HS6ST1: variants seen among roughly 807,000 people sequenced by gnomAD.
The protein encoded by HS6ST1 is heparan-sulfate 6-O-sulfotransferase 1.
Under a neutral mutation model 25.2 loss-of-function variants are expected in HS6ST1, and 3 were observed. The ratio of observed to expected loss-of-function variants is 0.12; its 90% CI spans 0.05 to 0.31. The LOEUF (loss-of-function observed/expected upper bound fraction) is 0.31, where lower values mean the gene tolerates loss of function less well. Ranked by LOEUF, HS6ST1 falls within the 10% of genes least tolerant of loss-of-function variation. The pLI is 1.00. For synonymous variants in HS6ST1, 204 were observed against 275.1 expected, an observed-to-expected ratio of 0.74 and a Z score of 2.56; for missense variants, 310 against 609.6, an observed-to-expected ratio of 0.51 and a Z score of 5.18.
At chr2:128,302,717 T>C (rs893775643) in intron 1 of HS6ST1, among the ~76,000 whole-genome samples, 3 of 152,222 alleles carry the variant, frequency 2.0e-5, no homozygotes, top group African/African-American at 7.2e-5. Context: ...AGGCATTTCC[T>C]GATTCAGGCC....
At chr2:128,304,281 C>A (rs115026809) in intron 1 of HS6ST1, among the ~76,000 whole-genome samples, 1 of 152,192 alleles carries the variant, frequency 6.6e-6, no homozygotes, top group Non-Finnish European at 1.5e-5. Flanking sequence ...CCGACCCCTA[C>A]GCTGGGGGAT....
chr2:128,282,448 C>T (rs1693802050), intron 1 of HS6ST1, among the ~76,000 whole-genome samples: 1 of 152,164 alleles, frequency 6.6e-6, no homozygotes, highest in South Asian at 2.1e-4. Flanking sequence ...CCTACCCAGC[C>T]CCCACCGGCC....
In HS6ST1 at chr2:128,268,299, G is replaced by A. The variant is rs369568256; in HGVS notation, c.1099C>T (p.Arg367Cys). Residue 367 changes from arginine to cysteine, a missense_variant, in exon 2 of 2, where the codon CGC becomes TGC. Arg to Cys is a radical substitution (Grantham distance 180). Transcript: ENST00000259241. ...CGGCTCCTCAGGCGCTGCTCCCTGC[G>A]CTCCAGCTGCCGCTTGTACTGGTAG... ...QRYQYKRQLE[R>C]REQRLRSREE... is the part of the protein sequence containing the mutation. The A allele has an allele frequency of 8.1e-6, 13 of 1,612,878 alleles. No homozygotes were observed. Among genetic ancestry groups the A allele is most frequent in the Middle Eastern group, 1.7e-4 (1 of 5,988 alleles).
At chr2:128,303,114 G>A (rs138807564) in intron 1 of HS6ST1, among the ~76,000 whole-genome samples, 317 of 152,348 alleles carry the variant, frequency 2.1e-3, no homozygotes, top group African/African-American at 6.9e-3. Context: ...CTTTTCTGGG[G>A]CCTGGGCCTG....
chr2:128,300,822 G>A (rs954243012), intron 1 of HS6ST1, among the ~76,000 whole-genome samples: 5 of 152,298 alleles, frequency 3.3e-5, no homozygotes, highest in South Asian at 2.1e-4. Context: ...TGCTCTGGGC[G>A]TGTCTCACCC....
chr2:128,286,746 G>A (rs369977554), intron 1 of HS6ST1, among the ~76,000 whole-genome samples: 2 of 152,232 alleles, frequency 1.3e-5, no homozygotes, highest in African/African-American at 2.4e-5. Context: ...CCCTAACAAC[G>A]TCTGCAAGCG....
intron 1 of HS6ST1, among the ~76,000 whole-genome samples, chr2:128,302,904 A>ACACAT (rs1694154916): frequency 6.6e-6 from 1 of 152,176 alleles, no homozygotes; most frequent in Non-Finnish European, 1.5e-5. Context: ...CAGCTGCTCC[A>ACACAT]GCCTCTTCTC....
At chr2:128,274,828 A>T (rs924815982) in intron 1 of HS6ST1, among the ~76,000 whole-genome samples, 4 of 152,092 alleles carry the variant, frequency 2.6e-5, no homozygotes, top group African/African-American at 9.7e-5. Context: ...AAATACAAAA[A>T]TTAGCCGGGA....
In HS6ST1 at chr2:128,314,197, C is replaced by A. The variant is rs140881140; in HGVS notation, c.527+3840G>T. On this transcript the variant is annotated intron_variant, in intron 1 of 1. Transcript: ENST00000259241. The stretch of plus-strand genomic sequence containing the variant: ...ATTATGAAGGTAAGGTGGAAACTGT[C>A]GCATGCCACAGAAACGAAGGCTCTC... 2.7e-3 allele frequency among the ~76,000 whole-genome samples: 416 copies of A among 152,146 alleles called. 2 individuals are homozygous for A. Among genetic ancestry groups the A allele is most frequent in the African/African-American group, 9.5e-3 (396 of 41,508 alleles).
chr2:128,317,964 G>A (rs1694399146), intron 1 of HS6ST1, 73 bp downstream of exon 1: 1 of 1,386,100 alleles, frequency 7.2e-7, no homozygotes, highest in East Asian at 2.9e-5. Flanking sequence ...GGCCGACCCA[G>A]TACAGCACGG....
intron 1 of HS6ST1, among the ~76,000 whole-genome samples, chr2:128,269,465 C>T (rs986643206): frequency 1.2e-4 from 19 of 152,304 alleles, no homozygotes; most frequent in East Asian, 7.7e-4. Context: ...TGTAACGGTG[C>T]GTGCACAAGG....
chr2:128,307,663 A>G (rs1694233479), intron 1 of HS6ST1, among the ~76,000 whole-genome samples: 1 of 152,216 alleles, frequency 6.6e-6, no homozygotes, highest in African/African-American at 2.4e-5. Context: ...CGATAAACAC[A>G]TGGTAAGATG....
intron 1 of HS6ST1, chr2:128,290,022 A>G (rs1693928818): frequency 1.3e-5 from 2 of 152,346 alleles, no homozygotes; most frequent in South Asian, 2.1e-4. Flanking sequence ...AAGCATGTAT[A>G]TAACTACATA....
In HS6ST1 at chr2:128,268,117, A is replaced by C. The variant is rs1693550620; in HGVS notation, c.*45T>G. On this transcript the variant is annotated 3_prime_UTR_variant, in exon 2 of 2. Transcript: ENST00000259241. ...GTGGACCTGTCGTCTGTCCTGTTTT[A>C]TCCCCCACACCCCCCAAGAGGCCTC... 1 of 1,414,352 alleles carries C rather than the reference A, an allele frequency of 7.1e-7. No homozygotes were observed. Among genetic ancestry groups the C allele is most frequent in the African/African-American group, 1.4e-5 (1 of 70,248 alleles). 87.6% of individuals were successfully genotyped at this position (1,414,352 alleles called of 1,614,324 possible).
intron 1 of HS6ST1, among the ~76,000 whole-genome samples, chr2:128,281,221 C>T (rs1404855110): frequency 6.6e-6 from 1 of 152,226 alleles, no homozygotes; most frequent in Non-Finnish European, 1.5e-5. Context: ...CCTCATGACG[C>T]TGCTTCTGCT....
chr2:128,298,951 T>C (rs1290365801), intron 1 of HS6ST1, among the ~76,000 whole-genome samples: 1 of 152,200 alleles, frequency 6.6e-6, no homozygotes, highest in African/African-American at 2.4e-5. Context: ...CCAGTGGGGC[T>C]GGCCCAGGCC....
Position 128,318,579 on chromosome 2 carries a change from G to T in HS6ST1, c.-16C>A, listed in dbSNP as rs920202362. 7 of 1,390,172 alleles carry T rather than the reference G, an allele frequency of 5.0e-6. No individual in the cohort carries two copies. The African/African-American group carries it at 7.7e-5, about 15-fold the overall frequency. 86.1% of individuals were successfully genotyped at this position (1,390,172 alleles called of 1,614,324 possible). ...GCCGCCGCATGTGTCACCATCGCCG[G>T]GGCCCGGGCGCGGGGCGCGGGGCCT... On this transcript the variant is annotated 5_prime_UTR_variant, in exon 1 of 2. Coordinates refer to ENST00000259241, the MANE Select transcript of HS6ST1 (RefSeq NM_004807.3). The surrounding 1 kb of genome is among the most constrained non-coding windows in gnomAD (Gnocchi z 5.7).
chr2:128,271,872 C>T (rs370365983), intron 1 of HS6ST1, among the ~76,000 whole-genome samples: 34 of 152,322 alleles, frequency 2.2e-4, no homozygotes, highest in Middle Eastern at 3.4e-3. Context: ...CAGCCAAGCT[C>T]GAGCGGCTGC....
chr2:128,294,211 G>A (rs558467135), intron 1 of HS6ST1, among the ~76,000 whole-genome samples: 8 of 152,158 alleles, frequency 5.3e-5, no homozygotes, highest in Non-Finnish European at 1.2e-4. Context: ...TGTCATACAC[G>A]CCCTGTGCCC....
Sources: allele counts gnomAD v4.1 joint callset (sites outside exome capture counted in the v4.1 genomes callset), GRCh38; gene constraint gnomAD v4.1.1; non-coding constraint Gnocchi (gnomAD v3.1); transcripts MANE v1.5; gene names NCBI Gene and HGNC (gene_info 2026-07-23, HGNC 2026-07-21).